ABI1: variants seen among roughly 807,000 people sequenced by gnomAD.
The protein encoded by ABI1 is Abelson interactor 1.
In ABI1, 14 loss-of-function variants were observed where a neutral mutation model predicts 54.6. The observed-to-expected ratio is 0.26, with a 90% confidence interval of 0.17 to 0.40. The LOEUF (loss-of-function observed/expected upper bound fraction) is 0.40. ABI1 is among the 10% of genes least tolerant of loss of function. ABI1 has a pLI of 1.00. For missense variants in ABI1, 443 were observed against 598.3 expected (o/e 0.74, Z 2.71); for synonymous variants, 194 against 209.3 (o/e 0.93, Z 0.63).
chr10:26,761,661 T>TATATATATATATATATATATATACACAC (rs1375832167), intron 7 of ABI1, among the ~76,000 whole-genome samples: 1 of 78,938 alleles, frequency 1.3e-5, no homozygotes, highest in Admixed American at 1.5e-4. Context: ...TATATATATA[T>TATATATATATATATATATATATACACAC]ACACACACAC....
At chr10:26,846,595 G>A (rs922063377) in intron 1 of ABI1, among the ~76,000 whole-genome samples, 2 of 151,912 alleles carry the variant, frequency 1.3e-5, no homozygotes, top group Non-Finnish European at 2.9e-5. Flanking sequence ...GGCCCACCTT[G>A]GCCTCCCAAA....
intron 7 of ABI1, chr10:26,763,960 T>C: frequency 1.2e-6 from 2 of 1,609,070 alleles, no homozygotes; most frequent in South Asian, 1.1e-5. Flanking sequence ...AGAAATGTTT[T>C]CTAATAAAAT....
At chr10:26,752,601 T>C (rs909189381) in intron 9 of ABI1, among the ~76,000 whole-genome samples, 1 of 150,778 alleles carries the variant, frequency 6.6e-6, no homozygotes, top group East Asian at 2.0e-4. Context: ...GTTGAAGATG[T>C]AATTAAAAAA....
At chr10:26,818,881 T>C (rs2047774565) in intron 2 of ABI1, among the ~76,000 whole-genome samples, 1 of 151,858 alleles carries the variant, frequency 6.6e-6, no homozygotes, top group Non-Finnish European at 1.5e-5. Context: ...TCCCAGCTAC[T>C]CACTCGGGAG....
chr10:26,757,178 C>T (rs1838423632), intron 8 of ABI1, among the ~76,000 whole-genome samples: 1 of 151,994 alleles, frequency 6.6e-6, no homozygotes, highest in African/African-American at 2.4e-5. Context: ...GGAAAATGTG[C>T]ACATCAAAAC....
intron 2 of ABI1, among the ~76,000 whole-genome samples, chr10:26,780,135 T>A (rs1841914070): frequency 6.6e-6 from 1 of 151,938 alleles, no homozygotes; most frequent in African/African-American, 2.4e-5. Flanking sequence ...AGCCAAAGGG[T>A]ATAAAACCCA....
In ABI1 at chr10:26,835,580, GAA is replaced by G. The variant is rs74804255; in HGVS notation, c.118-12277_118-12276del. ...AAAGAGTTAGACCCTGTCTCCAAAG[GAA>G]AAAAAAAAAATTATTCTATACCTAA... On this transcript the variant is annotated intron_variant, in intron 1 of 10. Transcript: ENST00000376140. Among the ~76,000 whole-genome samples, 9 of 136,002 alleles carry G rather than the reference GAA, an allele frequency of 6.6e-5. No homozygotes were observed. The East Asian group carries it at 8.3e-4, about 12-fold the overall frequency. The allele number at this position is 136,002 out of a possible 152,430, so 89.2% of individuals were successfully genotyped here. A position where few individuals can be genotyped will look rare whatever the true frequency, so the allele number is the denominator to read the frequency against.
In ABI1 at chr10:26,748,479, A is replaced by AT; in HGVS notation, c.*90dup. 1.0e-6 allele frequency: 1 copy of AT among 966,316 alleles called. No individual in the cohort carries two copies. The highest frequency in any genetic ancestry group is 1.5e-6 in the Non-Finnish European group (1 of 683,626). 59.9% of individuals were successfully genotyped at this position (966,316 alleles called of 1,614,324 possible). A position where few individuals can be genotyped will look rare whatever the true frequency, so the allele number is the denominator to read the frequency against. ...CAGCATGTTCTGAAAATATGGGCAC[A>AT]TTTTAAAACATATTAAGACAGTTCT... On this transcript the variant is annotated 3_prime_UTR_variant, in exon 11 of 11. Transcript: ENST00000376140.
intron 2 of ABI1, among the ~76,000 whole-genome samples, chr10:26,779,340 C>T (rs1841827180): frequency 6.6e-6 from 1 of 152,174 alleles, no homozygotes; most frequent in Admixed American, 6.5e-5. Flanking sequence ...AGGAAGTAGG[C>T]AGATTCAAAG....
At position 26,791,502 on chromosome 10, in the gene ABI1, C is replaced by T. The variant is rs147059804; in HGVS notation, c.286-14261G>A. Among the ~76,000 whole-genome samples the T allele has an allele frequency of 3.6e-3, 545 of 152,076 alleles. 3 individuals are homozygous for T. The highest frequency in any genetic ancestry group is 0.012 in the African/African-American group (506 of 41,440). On this transcript the variant is annotated intron_variant, in intron 2 of 10. Coordinates refer to ENST00000376140, the MANE Select transcript of ABI1 (RefSeq NM_001012750.3). ...GCTTCAATGCATTCCAATAAAAATGCCAACAGAGATTTTAAAGGTTCTAAA... is the reference window on the plus strand; with the variant it reads ...GCTTCAATGCATTCCAATAAAAATGTCAACAGAGATTTTAAAGGTTCTAAA...
intron 2 of ABI1, among the ~76,000 whole-genome samples, chr10:26,814,524 T>C (rs2047434806): frequency 1.3e-5 from 2 of 152,236 alleles, no homozygotes; most frequent in African/African-American, 2.4e-5. Flanking sequence ...ATTTAACAGT[T>C]GCACACTTTC....
chr10:26,766,124 A>C (rs1220964055), intron 6 of ABI1, among the ~76,000 whole-genome samples: 1 of 151,502 alleles, frequency 6.6e-6, no homozygotes, highest in Non-Finnish European at 1.5e-5. Context: ...CTCATCTCAA[A>C]GAAAGGTGAT....
At chr10:26,777,346 A>C (rs944100422) in intron 2 of ABI1, 105 bp from the exon 3 acceptor site, 2 of 763,600 alleles carry the variant, frequency 2.6e-6, no homozygotes, top group Non-Finnish European at 4.0e-6. Flanking sequence ...GCTGTACACC[A>C]TATGTCTATT....
chr10:26,858,758 C>G (rs773320259), intron 1 of ABI1, among the ~76,000 whole-genome samples: 5 of 152,024 alleles, frequency 3.3e-5, no homozygotes, highest in Non-Finnish European at 7.4e-5. Context: ...TTACAACATA[C>G]AACTACCTGA....
intron 1 of ABI1, among the ~76,000 whole-genome samples, chr10:26,838,465 A>T (rs949533978): frequency 1.3e-5 from 2 of 152,340 alleles, no homozygotes; most frequent in South Asian, 4.1e-4. Flanking sequence ...GTATCTGTTT[A>T]AAGGTGAGTA....
intron 1 of ABI1, among the ~76,000 whole-genome samples, chr10:26,835,421 A>G (rs912423162): frequency 2.0e-5 from 3 of 152,066 alleles, no homozygotes; most frequent in Admixed American, 2.0e-4. Context: ...CAAAAAATTT[A>G]AAAATTAGCA....
intron 2 of ABI1, among the ~76,000 whole-genome samples, chr10:26,816,644 C>T (rs2133672362): frequency 6.6e-6 from 1 of 152,286 alleles, no homozygotes; most frequent in East Asian, 1.9e-4. Context: ...AAATAAAACC[C>T]TTTAATTCTC....
intron 2 of ABI1, among the ~76,000 whole-genome samples, chr10:26,806,635 A>G (rs984351204): frequency 6.6e-6 from 1 of 152,182 alleles, no homozygotes; most frequent in Non-Finnish European, 1.5e-5. Context: ...TCAGTTTTTG[A>G]GTTCTGGAAC....
At chr10:26,844,809 C>G (rs1368544651) in intron 1 of ABI1, among the ~76,000 whole-genome samples, 1 of 152,222 alleles carries the variant, frequency 6.6e-6, no homozygotes, top group Admixed American at 6.5e-5. Context: ...CCACCCATAT[C>G]TCCTTCACCA....
Sources: gnomAD v4.1 joint callset for allele counts (sites outside exome capture counted in the v4.1 genomes callset) on GRCh38, gnomAD v4.1.1 for gene constraint, MANE v1.5 for transcripts, NCBI Gene and HGNC (gene_info 2026-07-23, HGNC 2026-07-21) for gene names.